Variants in DTNBP1 observed in about 807,000 individuals in gnomAD.
DTNBP1 encodes dysbindin.
DTNBP1 carries 35 observed loss-of-function variants against 42.8 expected under a neutral mutation model. That is an observed-to-expected ratio of 0.82 (90% confidence interval 0.63 to 1.09). The LOEUF is 1.09. DTNBP1 is among the 50% of genes least tolerant of loss of function. The pLI, the probability that DTNBP1 is intolerant of heterozygous loss-of-function variation, is 0.00. For missense variants in DTNBP1, 457 were observed against 424.2 expected (o/e 1.08, Z -0.68); for synonymous variants, 171 against 162.2 (o/e 1.05, Z -0.41).
chr6:15,546,013 G>T (rs527714632), intron 7 of DTNBP1: 1 of 448,218 alleles, frequency 2.2e-6, no homozygotes, highest in Non-Finnish European at 4.5e-6. Flanking sequence ...ATTTCCCATC[G>T]CCAGGAGGGT....
At chr6:15,629,009 C>T (rs544301431) in intron 4 of DTNBP1, among the ~76,000 whole-genome samples, 2 of 152,094 alleles carry the variant, frequency 1.3e-5, no homozygotes, top group South Asian at 2.1e-4. Context: ...TCACGCAAAC[C>T]GCATTTCTCA....
At chr6:15,537,164 T>C (rs1773280311) in intron 7 of DTNBP1, among the ~76,000 whole-genome samples, 1 of 152,230 alleles carries the variant, frequency 6.6e-6, no homozygotes, top group African/African-American at 2.4e-5. Flanking sequence ...CTCACGCCTG[T>C]AATCCCAACA....
At chr6:15,652,733 T>C (rs1253367689) in intron 1 of DTNBP1, among the ~76,000 whole-genome samples, 1 of 152,090 alleles carries the variant, frequency 6.6e-6, no homozygotes, top group Non-Finnish European at 1.5e-5. Flanking sequence ...GCTCAAGCAA[T>C]CTTCCCACCT....
chr6:15,532,633 T>C (rs1358596117), intron 8 of DTNBP1, among the ~76,000 whole-genome samples: 1 of 152,004 alleles, frequency 6.6e-6, no homozygotes, highest in Non-Finnish European at 1.5e-5. Flanking sequence ...TTAAGGGCTA[T>C]TTTTCTTTTT....
At chr6:15,564,654 C>T (rs530702435) in intron 7 of DTNBP1, among the ~76,000 whole-genome samples, 3 of 152,218 alleles carry the variant, frequency 2.0e-5, no homozygotes, top group Admixed American at 1.3e-4. Flanking sequence ...GTGATCTTTC[C>T]GCCTCAGACT....
intron 7 of DTNBP1, among the ~76,000 whole-genome samples, chr6:15,580,167 A>G (rs2619529): frequency 6.6e-6 from 1 of 152,132 alleles, no homozygotes; most frequent in South Asian, 2.1e-4. Flanking sequence ...AAGCAGCCAG[A>G]AGCAAAAACA....
chr6:15,619,190 T>G (rs1758897926), intron 5 of DTNBP1, among the ~76,000 whole-genome samples: 1 of 152,174 alleles, frequency 6.6e-6, no homozygotes, highest in South Asian at 2.1e-4. Flanking sequence ...TTACTGTACA[T>G]GTTCAAATAG....
At chr6:15,546,457 A>G (rs1561950234) in intron 7 of DTNBP1, among the ~76,000 whole-genome samples, 1 of 152,108 alleles carries the variant, frequency 6.6e-6, no homozygotes, top group Non-Finnish European at 1.5e-5. Flanking sequence ...TGTTTTTAGT[A>G]TAATTATATG....
intron 7 of DTNBP1, among the ~76,000 whole-genome samples, chr6:15,578,079 A>G (rs1775659221): frequency 6.6e-6 from 1 of 152,242 alleles, no homozygotes; most frequent in Admixed American, 6.5e-5. Context: ...AGAGAGGACA[A>G]CGCTGCCAGA....
At chr6:15,624,455 T>C (rs1448961904) in intron 5 of DTNBP1, among the ~76,000 whole-genome samples, 1 of 152,196 alleles carries the variant, frequency 6.6e-6, no homozygotes, top group Non-Finnish European at 1.5e-5. Flanking sequence ...AGGGGCTAGG[T>C]ACCAGGAGCC....
At chr6:15,618,482 A>T (rs1758843535) in intron 5 of DTNBP1, among the ~76,000 whole-genome samples, 1 of 151,986 alleles carries the variant, frequency 6.6e-6, no homozygotes, top group Non-Finnish European at 1.5e-5. Flanking sequence ...CCAATATGCA[A>T]TACAGCCACA....
At chr6:15,581,851 A>G (rs1265153670) in intron 7 of DTNBP1, among the ~76,000 whole-genome samples, 2 of 152,146 alleles carry the variant, frequency 1.3e-5, no homozygotes, top group African/African-American at 2.4e-5. Flanking sequence ...AGAATGGTCA[A>G]ATATTTCCTG....
chr6:15,633,810 A>G (rs1380430272), intron 4 of DTNBP1, among the ~76,000 whole-genome samples: 1 of 152,124 alleles, frequency 6.6e-6, no homozygotes, highest in African/African-American at 2.4e-5. Flanking sequence ...AAAACAAACA[A>G]AACTCTCAAC....
At chr6:15,603,358 A>AG (rs1345383180) in intron 6 of DTNBP1, among the ~76,000 whole-genome samples, 8 of 152,126 alleles carry the variant, frequency 5.3e-5, no homozygotes, top group African/African-American at 1.9e-4. Flanking sequence ...TAATAGGGAG[A>AG]GGGGGGAGTA....
Position 15,620,491 on chromosome 6 carries a change from A to T in DTNBP1, c.356-5092T>A, listed in dbSNP as rs146937431. Among the ~76,000 whole-genome samples, 475 of 152,144 alleles carry T rather than the reference A, an allele frequency of 3.1e-3. 26 individuals carry two copies. In the East Asian group the frequency reaches 0.079, roughly 25 times the overall value. Reference sequence around the variant, plus strand: ...GTGTGAGCCACCCCACCCAGCCTACATTGTTTTTTGTTTTATTAAATGAAA... The same window carrying T: ...GTGTGAGCCACCCCACCCAGCCTACTTTGTTTTTTGTTTTATTAAATGAAA... On this transcript the variant is annotated intron_variant, in intron 5 of 9. Coordinates refer to ENST00000344537, the MANE Select transcript of DTNBP1 (RefSeq NM_032122.5).
At chr6:15,593,717 G>A (rs1409599601) in intron 6 of DTNBP1, among the ~76,000 whole-genome samples, 1 of 152,160 alleles carries the variant, frequency 6.6e-6, no homozygotes, top group East Asian at 1.9e-4. Context: ...TAAACATTTT[G>A]TGACAAAGAA....
chr6:15,528,310 G>A (rs1160692104), intron 8 of DTNBP1, among the ~76,000 whole-genome samples: 1 of 152,142 alleles, frequency 6.6e-6, no homozygotes, highest in East Asian at 1.9e-4. Flanking sequence ...TTGGTTGTGG[G>A]GTGTCCTGGG....
chr6:15,595,750 C>A (rs552801273), intron 6 of DTNBP1, among the ~76,000 whole-genome samples: 6 of 152,146 alleles, frequency 3.9e-5, no homozygotes, highest in African/African-American at 1.4e-4. Flanking sequence ...TGTGAGGTCA[C>A]AGAGGCCAAA....
intron 7 of DTNBP1, among the ~76,000 whole-genome samples, chr6:15,546,353 C>A (rs1037425974): frequency 2.0e-5 from 3 of 151,960 alleles, no homozygotes; most frequent in African/African-American, 7.3e-5. Context: ...GTGTGAGCCA[C>A]CGCGCCTGGC....
Sources: allele counts gnomAD v4.1 joint callset (sites outside exome capture counted in the v4.1 genomes callset), GRCh38; gene constraint gnomAD v4.1.1; transcripts MANE v1.5; gene names NCBI Gene and HGNC (gene_info 2026-07-23, HGNC 2026-07-21).